Variants in MAP3K13 observed in about 807,000 individuals in gnomAD.
MAP3K13 encodes mitogen-activated protein kinase kinase kinase 13.
In MAP3K13, 52 loss-of-function variants were observed where a neutral mutation model predicts 104.0. The ratio of observed to expected loss-of-function variants is 0.50; its 90% CI spans 0.40 to 0.63. The LOEUF (loss-of-function observed/expected upper bound fraction) is 0.63, where lower values mean the gene tolerates loss of function less well. Ranked by LOEUF, MAP3K13 falls within the 20% of genes least tolerant of loss-of-function variation. MAP3K13 has a pLI of 0.00. For missense variants in MAP3K13, 914 were observed against 1,218.5 expected (o/e 0.75, Z 3.72); for synonymous variants, 394 against 442.2 (o/e 0.89, Z 1.37).
At chr3:185,359,893 T>C (rs1351743746), upstream of MAP3K13, among the ~76,000 whole-genome samples, 1 of 152,114 alleles carries the variant, frequency 6.6e-6, no homozygotes, top group Non-Finnish European at 1.5e-5. Context: ...ACTTCGATTC[T>C]GGCTTAAATG....
intron 1 of MAP3K13, among the ~76,000 whole-genome samples, chr3:185,366,499 T>G (rs1470697015): frequency 6.6e-6 from 1 of 152,244 alleles, no homozygotes; most frequent in African/African-American, 2.4e-5. Flanking sequence ...TTTAACATTT[T>G]CAGGAGATGC....
At chr3:185,409,365 C>T (rs1431918450) in intron 1 of MAP3K13, among the ~76,000 whole-genome samples, 2 of 152,014 alleles carry the variant, frequency 1.3e-5, no homozygotes, top group Non-Finnish European at 2.9e-5. Flanking sequence ...GAGACCCTGT[C>T]TCTAATTAAT....
At chr3:185,464,410 T>G (rs931816834) in intron 8 of MAP3K13, among the ~76,000 whole-genome samples, 1 of 152,132 alleles carries the variant, frequency 6.6e-6, no homozygotes, top group African/African-American at 2.4e-5. Flanking sequence ...AAGAACCAGG[T>G]GGAGGTAACT....
chr3:185,346,069 C>T (rs1264171489), intron 2 of MAP3K13, among the ~76,000 whole-genome samples: 1 of 152,130 alleles, frequency 6.6e-6, no homozygotes, highest in Non-Finnish European at 1.5e-5. Context: ...GTGTGGAATA[C>T]ATTGTTATTA....
chr3:185,333,214 ACT>A (rs1258087802), intron 2 of MAP3K13, among the ~76,000 whole-genome samples: 2 of 152,158 alleles, frequency 1.3e-5, no homozygotes, highest in Non-Finnish European at 2.9e-5. Context: ...ATGGAATAAG[ACT>A]ACCTGGGTTT....
intron 2 of MAP3K13, among the ~76,000 whole-genome samples, chr3:185,286,232 C>T (rs990745121): frequency 6.6e-6 from 1 of 151,838 alleles, no homozygotes; most frequent in Non-Finnish European, 1.5e-5. Context: ...TCTTTTCTCC[C>T]ATTTTGCCTT....
chr3:185,440,938 G>A (rs1156852675), intron 3 of MAP3K13, among the ~76,000 whole-genome samples: 1 of 152,210 alleles, frequency 6.6e-6, no homozygotes, highest in African/African-American at 2.4e-5. Context: ...GAACAAAACA[G>A]AAGTAGAGTT....
chr3:185,456,094 ACT>A (rs1013092308), intron 7 of MAP3K13, among the ~76,000 whole-genome samples: 10 of 150,868 alleles, frequency 6.6e-5, no homozygotes, highest in Admixed American at 6.0e-4. Context: ...ACAGAGAGAC[ACT>A]CTGCCTGTCA....
At chr3:185,443,798 T>C in intron 4 of MAP3K13, 162 bp downstream of exon 4, 3 of 595,810 alleles carry the variant, frequency 5.0e-6, no homozygotes, top group Non-Finnish European at 8.8e-6. Context: ...ATTGTTGACC[T>C]ACCTGGTTAC....
chr3:185,329,395 A>G, intron 2 of MAP3K13: 1 of 542,504 alleles, frequency 1.8e-6, no homozygotes, highest in South Asian at 2.8e-5. Context: ...AGATCATTAA[A>G]TTGGAGGTTT....
intron 1 of MAP3K13, among the ~76,000 whole-genome samples, chr3:185,424,634 G>A (rs536239704): frequency 2.2e-4 from 34 of 152,292 alleles, no homozygotes; most frequent in Admixed American, 1.3e-3. Context: ...CCAGGGAAAT[G>A]AGCAAACACT....
chr3:185,435,714 AT>A (rs1351590209), intron 2 of MAP3K13, among the ~76,000 whole-genome samples: 2 of 152,194 alleles, frequency 1.3e-5, no homozygotes, highest in African/African-American at 4.8e-5. Context: ...CTATGTAGTT[AT>A]ATTTTGAAGG....
In MAP3K13 at chr3:185,315,604, G is replaced by C. The variant is rs961855501; in HGVS notation, c.-86+29961G>C. 1.2e-4 allele frequency among the ~76,000 whole-genome samples: 19 copies of C among 152,126 alleles called. No homozygotes were observed. Among genetic ancestry groups the C allele is most frequent in the Admixed American group, 1.3e-4 (2 of 15,272 alleles). On this transcript the variant is annotated intron_variant, in intron 2 of 14. Transcript: ENST00000424227. The surrounding 1 kb of genome is among the most constrained non-coding windows in gnomAD (Gnocchi z 4.3). ...CCTTTCCTTCAAGTATCATTCCTTT[G>C]GGAATGGCTTCCAAAGAAATCCAAA...
intron 2 of MAP3K13, among the ~76,000 whole-genome samples, chr3:185,325,973 G>T (rs570145014): frequency 6.6e-6 from 1 of 152,254 alleles, no homozygotes; most frequent in African/African-American, 2.4e-5. Context: ...TTCACGCTTG[G>T]TTCCTTCGCT....
chr3:185,377,558 G>A (rs569499928), intron 1 of MAP3K13, among the ~76,000 whole-genome samples: 3 of 152,254 alleles, frequency 2.0e-5, no homozygotes, highest in East Asian at 3.9e-4. Flanking sequence ...AAAAAGGAGT[G>A]CATAAAAGAA....
At chr3:185,430,111 A>C (rs761913519) in intron 2 of MAP3K13, among the ~76,000 whole-genome samples, 15 of 152,202 alleles carry the variant, frequency 9.9e-5, no homozygotes, top group Admixed American at 3.9e-4. Flanking sequence ...GAGGCACAAG[A>C]ATTGCTTAAA....
At chr3:185,448,448 A>T (rs927980284) in intron 5 of MAP3K13, among the ~76,000 whole-genome samples, 8 of 152,160 alleles carry the variant, frequency 5.3e-5, no homozygotes, top group African/African-American at 1.9e-4. Context: ...TTTAAAAAAA[A>T]ATCTCTGTAA....
intron 7 of MAP3K13, among the ~76,000 whole-genome samples, chr3:185,455,160 GATATATA>G (rs1186413943): frequency 4.0e-3 from 190 of 47,600 alleles, no homozygotes; most frequent in Non-Finnish European, 6.8e-3. Context: ...AGATATATAT[GATATATA>G]TGAGATATAT....
At chr3:185,460,312 TA>T (rs1040892148) in intron 7 of MAP3K13, among the ~76,000 whole-genome samples, 3 of 152,204 alleles carry the variant, frequency 2.0e-5, no homozygotes, top group Admixed American at 6.5e-5. Flanking sequence ...CTTTTTATTT[TA>T]TTTTTTTATT....
Sources: allele counts gnomAD v4.1 joint callset (sites outside exome capture counted in the v4.1 genomes callset), GRCh38; gene constraint gnomAD v4.1.1; non-coding constraint Gnocchi (gnomAD v3.1); transcripts MANE v1.5; gene names NCBI Gene and HGNC (gene_info 2026-07-23, HGNC 2026-07-21).